The following KIF13A variants were observed in gnomAD, a reference collection of about 807,000 sequenced individuals.
KIF13A encodes the protein kinesin-like protein KIF13A.
Under a neutral mutation model 212.2 loss-of-function variants are expected in KIF13A, and 79 were observed. The ratio of observed to expected loss-of-function variants is 0.37; its 90% CI spans 0.31 to 0.45. The LOEUF is 0.45. Among genes scored for constraint, KIF13A ranks in the 20% least tolerant of loss-of-function variants. The pLI is 1.00. For missense variants in KIF13A, 1,901 were observed against 2,209.0 expected (o/e 0.86, Z 2.79); for synonymous variants, 789 against 808.6 (o/e 0.98, Z 0.41).
At chr6:17,913,346 T>G (rs895473284) in intron 2 of KIF13A, among the ~76,000 whole-genome samples, 24 of 152,188 alleles carry the variant, frequency 1.6e-4, no homozygotes, top group Non-Finnish European at 2.9e-4. Context: ...GGGCACTCAA[T>G]AATTAGTTGA....
chr6:17,879,834 G>A (rs1199336122), intron 3 of KIF13A, among the ~76,000 whole-genome samples: 1 of 152,160 alleles, frequency 6.6e-6, no homozygotes, highest in Non-Finnish European at 1.5e-5. Flanking sequence ...GTTACAAAAG[G>A]AGACATGCTT....
intron 18 of KIF13A, among the ~76,000 whole-genome samples, chr6:17,805,984 A>G (rs1426514346): frequency 1.3e-5 from 2 of 148,214 alleles, no homozygotes; most frequent in Non-Finnish European, 3.0e-5. Flanking sequence ...AAGTGGTATG[A>G]TCTTAGTGCA....
intron 18 of KIF13A, among the ~76,000 whole-genome samples, chr6:17,808,237 T>C (rs1763143512): frequency 1.3e-5 from 2 of 152,094 alleles, no homozygotes; most frequent in Non-Finnish European, 2.9e-5. Context: ...AACACAAAAA[T>C]TGGCCGGGTG....
chr6:17,927,305 T>C (rs1775573136), intron 2 of KIF13A, among the ~76,000 whole-genome samples: 1 of 152,088 alleles, frequency 6.6e-6, no homozygotes, highest in Admixed American at 6.6e-5. Flanking sequence ...CAAAATGGGG[T>C]ATATACTACA....
At position 17,971,420 on chromosome 6, in the gene KIF13A, TG is replaced by T. The variant is rs1393309758; in HGVS notation, c.146+15633del. ...AAAATATTAAAATTTAGTAGCGGTT[TG>T]TTTTTTTCCTTTTTTTTTGACACAG... On this transcript the variant is annotated intron_variant, in intron 2 of 38. Transcript: ENST00000259711. The surrounding 1 kb of genome is among the most constrained non-coding windows in gnomAD (Gnocchi z 4.2). Among the ~76,000 whole-genome samples the T allele has an allele frequency of 6.6e-6, 1 of 152,150 alleles. No homozygotes were observed. Among genetic ancestry groups the T allele is most frequent in the Non-Finnish European group, 1.5e-5 (1 of 68,028 alleles).
chr6:17,813,948 CTTTTTTTT>C (rs36144211), intron 17 of KIF13A, among the ~76,000 whole-genome samples: 2 of 90,714 alleles, frequency 2.2e-5, no homozygotes, highest in Non-Finnish European at 2.1e-5. Context: ...TAAGGTGCTG[CTTTTTTTT>C]TTTTTTTTTT....
At chr6:17,962,123 C>T (rs969988127) in intron 2 of KIF13A, among the ~76,000 whole-genome samples, 4 of 152,036 alleles carry the variant, frequency 2.6e-5, no homozygotes, top group African/African-American at 9.6e-5. Flanking sequence ...ACAACCTGGC[C>T]AACATGGTGA....
intron 9 of KIF13A, among the ~76,000 whole-genome samples, chr6:17,844,044 C>CAAAA (rs35763673): frequency 8.7e-6 from 1 of 114,956 alleles, no homozygotes. Flanking sequence ...GACTCCATCT[C>CAAAA]AAAAAAAAAA....
At position 17,888,080 on chromosome 6, in the gene KIF13A, A is replaced by G. The variant is rs546539296; in HGVS notation, c.159+10088T>C. On this transcript the variant is annotated intron_variant, in intron 3 of 38. Coordinates refer to ENST00000259711, the MANE Select transcript of KIF13A (RefSeq NM_022113.6). The surrounding 1 kb of genome is among the most constrained non-coding windows in gnomAD (Gnocchi z 4.8). Reference sequence around the variant, plus strand: ...ATACTTGCAGGCCTCCTGAAGTTCCATGTTTAGCTATGAAGCCTTCTTCCT... The same window carrying G: ...ATACTTGCAGGCCTCCTGAAGTTCCGTGTTTAGCTATGAAGCCTTCTTCCT... 1.3e-5 allele frequency among the ~76,000 whole-genome samples: 2 copies of G among 152,068 alleles called. No homozygotes were observed. The highest frequency in any genetic ancestry group is 2.9e-5 in the Non-Finnish European group (2 of 68,006).
Position 17,772,805 on chromosome 6 carries a change from CT to C in KIF13A, c.4324+672del, listed in dbSNP as rs35738577. 0.3 allele frequency among the ~76,000 whole-genome samples: 46,114 copies of C among 152,030 alleles called. 8,013 individuals are homozygous for C. The highest frequency in any genetic ancestry group is 0.57 in the East Asian group (2,954 of 5,172). On this transcript the variant is annotated intron_variant, in intron 36 of 38. Transcript: ENST00000259711. The surrounding 1 kb of genome is among the most constrained non-coding windows in gnomAD (Gnocchi z 4.8). Reference sequence around the variant, plus strand: ...ACTGTGTAAATTTTCTTGCGAGCCTCTTTTTTTCCCCCTCAGGCCACCCTGC... The same window carrying C: ...ACTGTGTAAATTTTCTTGCGAGCCTCTTTTTTCCCCCTCAGGCCACCCTGC...
intron 2 of KIF13A, among the ~76,000 whole-genome samples, chr6:17,980,404 GA>G (rs1780960619): frequency 6.6e-6 from 1 of 152,122 alleles, no homozygotes; most frequent in Non-Finnish European, 1.5e-5. Context: ...AAGGAAAATA[GA>G]AAAATAGGAG....
chr6:17,927,010 T>C (rs1214587013), intron 2 of KIF13A, among the ~76,000 whole-genome samples: 4 of 151,950 alleles, frequency 2.6e-5, no homozygotes, highest in African/African-American at 7.2e-5. Flanking sequence ...TGGTGGTGCA[T>C]GTGACTGCAG....
chr6:17,806,282 T>C (rs956113720), intron 18 of KIF13A, among the ~76,000 whole-genome samples: 3 of 152,170 alleles, frequency 2.0e-5, no homozygotes, highest in African/African-American at 7.2e-5. Context: ...AGCATTTGGA[T>C]GTACTATACA....
At position 17,821,994 on chromosome 6, in the gene KIF13A, A is replaced by T. The variant is rs1764500525; in HGVS notation, c.1786+3774T>A. 6 of 1,396,420 alleles carry T rather than the reference A, an allele frequency of 4.3e-6. No homozygotes were observed. The Admixed American group carries it at 1.3e-4, about 31-fold the overall frequency. 86.5% of individuals were successfully genotyped at this position (1,396,420 alleles called of 1,614,324 possible). ...GAGACTGTGTGTATGCCCCAAAGGG[A>T]AGCTCCACTGGAACTGGGTAAAGGA... On this transcript the variant is annotated intron_variant, in intron 16 of 38. Transcript: ENST00000259711.
At chr6:17,943,499 C>T (rs895867806) in intron 2 of KIF13A, among the ~76,000 whole-genome samples, 2 of 151,056 alleles carry the variant, frequency 1.3e-5, no homozygotes, top group Admixed American at 6.6e-5. Context: ...CCACCTGCCT[C>T]GGCCTCCCAA....
intron 2 of KIF13A, among the ~76,000 whole-genome samples, chr6:17,928,212 A>G (rs946253752): frequency 6.6e-6 from 1 of 152,294 alleles, no homozygotes; most frequent in Admixed American, 6.5e-5. Flanking sequence ...AGTTTCATGA[A>G]CCAAAATGAC....
rs1297719597 is a variant in KIF13A at position 17,809,416 on chromosome 6, TACA to T, written c.2001-489_2001-487del. The stretch of plus-strand genomic sequence containing the variant: ...AGGAATTCTTCGTTTCAACTCTCTG[TACA>T]ACATTACTTGCTGATAAAAAGCTTC... On this transcript the variant is annotated intron_variant, in intron 17 of 38. Coordinates refer to ENST00000259711, the MANE Select transcript of KIF13A (RefSeq NM_022113.6). The surrounding 1 kb of genome is among the most constrained non-coding windows in gnomAD (Gnocchi z 4.7). Among the ~76,000 whole-genome samples, 3 of 152,346 alleles carry T rather than the reference TACA, an allele frequency of 2.0e-5. No homozygotes were observed. Among genetic ancestry groups the T allele is most frequent in the Non-Finnish European group, 4.4e-5 (3 of 68,034 alleles).
At position 17,773,964 on chromosome 6, in the gene KIF13A, T is replaced by C. The variant is rs1460947988; in HGVS notation, c.4219-381A>G. Among the ~76,000 whole-genome samples the C allele has an allele frequency of 6.6e-6, 1 of 152,144 alleles. No individual in the cohort carries two copies. The highest frequency in any genetic ancestry group is 1.5e-5 in the Non-Finnish European group (1 of 68,032). ...TGAAACACTCTCAAAGGACAACTGTTCCATTAGTAATTCTGCCTGGGTAGA... is the reference window on the plus strand; with the variant it reads ...TGAAACACTCTCAAAGGACAACTGTCCCATTAGTAATTCTGCCTGGGTAGA... On this transcript the variant is annotated intron_variant, in intron 35 of 38. Coordinates refer to ENST00000259711, the MANE Select transcript of KIF13A (RefSeq NM_022113.6). This position sits in a 1 kb window ranked among gnomAD's most constrained non-coding sequence, Gnocchi z 4.2.
Position 17,764,599 on chromosome 6 carries a change from A to G in KIF13A, c.4929T>C (p.Asp1643=). Reference sequence around the variant, plus strand: ...ACTCTTTGTTTGAGGACGGCCTGAAATCATGCACAAGCGATGGTGTGGAGT... The same window carrying G: ...ACTCTTTGTTTGAGGACGGCCTGAAGTCATGCACAAGCGATGGTGTGGAGT... ...TEHSTPSLVH[D]FRPSSNKELT... The change falls in exon 39 of 39, where the codon GAT becomes GAC. Residue 1643 remains aspartate, a synonymous_variant. Coordinates refer to ENST00000259711, the MANE Select transcript of KIF13A (RefSeq NM_022113.6). The surrounding 1 kb of genome is among the most constrained non-coding windows in gnomAD (Gnocchi z 5.1). 1 of 1,613,816 alleles carries G rather than the reference A, an allele frequency of 6.2e-7. No homozygotes were observed. Among genetic ancestry groups the G allele is most frequent in the Non-Finnish European group, 8.5e-7 (1 of 1,179,856 alleles).
Sources: gnomAD v4.1 joint callset for allele counts (sites outside exome capture counted in the v4.1 genomes callset) on GRCh38, gnomAD v4.1.1 for gene constraint, Gnocchi (gnomAD v3.1) non-coding constraint, MANE v1.5 for transcripts, NCBI Gene and HGNC (gene_info 2026-07-23, HGNC 2026-07-21) for gene names.